The following SCIN variants were observed in gnomAD, a reference collection of about 807,000 sequenced individuals.
SCIN encodes adseverin.
Under a neutral mutation model 91.8 loss-of-function variants are expected in SCIN, and 91 were observed. The ratio of observed to expected loss-of-function variants is 0.99; its 90% confidence interval spans 0.84 to 1.18. The LOEUF (loss-of-function observed/expected upper bound fraction) is 1.18, where lower values mean the gene tolerates loss of function less well. Ranked by LOEUF, SCIN falls within the 50% of genes most tolerant of loss-of-function variation. The pLI is 0.00. For missense variants in SCIN, 1,087 were observed against 863.9 expected, an observed-to-expected ratio of 1.26 and a Z score of -3.24; for synonymous variants, 367 against 312.6, an observed-to-expected ratio of 1.17 and a Z score of -1.84.
intron 9 of SCIN, among the ~76,000 whole-genome samples, 174 bp from the exon 10 acceptor site, chr7:12,635,871 G>A (rs1048758063): frequency 1.3e-5 from 2 of 151,964 alleles, no homozygotes; most frequent in African/African-American, 4.8e-5. Flanking sequence ...CAACACATAG[G>A]ACAATTAAAT....
chr7:12,626,035 A>C, intron 7 of SCIN, 185 bp downstream of exon 7: 4 of 546,292 alleles, frequency 7.3e-6, no homozygotes, highest in Non-Finnish European at 9.7e-6. Flanking sequence ...ATTTTTTAGA[A>C]ACTGCACATC....
At chr7:12,626,019 G>T (rs1188902327) in intron 7 of SCIN, 169 bp downstream of exon 7, 5 of 556,112 alleles carry the variant, frequency 9.0e-6, no homozygotes, top group South Asian at 5.2e-5. Flanking sequence ...CTGCGTGGGG[G>T]TTAGAATTTT....
intron 5 of SCIN, among the ~76,000 whole-genome samples, chr7:12,624,682 A>T (rs781123180): frequency 2.6e-5 from 4 of 152,236 alleles, no homozygotes; most frequent in African/African-American, 4.8e-5. Flanking sequence ...GCATCTGAAT[A>T]GACCTCAGCC....
Position 12,626,753 on chromosome 7 carries a change from T to C in SCIN, c.1151T>C (p.Met384Thr), listed in dbSNP as rs199716870. Residue 384 changes from methionine (M) to threonine (T), a missense_variant, in exon 8 of 16, where the codon ATG becomes ACG. Physicochemically the swap from Met to Thr is moderately conservative, Grantham distance 81. Coordinates refer to ENST00000297029, the MANE Select transcript of SCIN (RefSeq NM_001112706.3). ...TCAAAATTACACAGTTCTCCGCAGA[T>C]GGCAGCCCAGCACAATATGGTGGAT... ...DASKLHSSPQ[M>T]AAQHNMVDDG... is the part of the protein sequence containing the mutation. 1.5e-4 allele frequency: 234 copies of C among 1,610,886 alleles called. No homozygotes were observed. The highest frequency in any genetic ancestry group is 5.8e-4 in the South Asian group (52 of 90,174).
chr7:12,653,955 C>T lies in SCIN; in HGVS notation c.*1240C>T, dbSNP rs1292009468. 6.6e-6 allele frequency: 1 copy of T among 151,738 alleles called. No individual in the cohort carries two copies. Among genetic ancestry groups the T allele is most frequent in the African/African-American group, 2.4e-5 (1 of 41,274 alleles). 9.4% of individuals were successfully genotyped at this position (151,738 alleles called of 1,614,324 possible). The stretch of plus-strand genomic sequence containing the variant: ...TCATTCTATTTTATTTCCAATATAC[C>T]ATTGTATATCAGTATATACTGATAC... On this transcript the variant is annotated 3_prime_UTR_variant, in exon 16 of 16. Coordinates refer to ENST00000297029, the MANE Select transcript of SCIN (RefSeq NM_001112706.3). This position sits in a 1 kb window ranked among gnomAD's most constrained non-coding sequence, Gnocchi z 4.1.
At chr7:12,572,352 G>T (rs1782288474) in intron 1 of SCIN, among the ~76,000 whole-genome samples, 1 of 152,130 alleles carries the variant, frequency 6.6e-6, no homozygotes. Context: ...TCATCTATTT[G>T]TATTTTCTGC....
intron 3 of SCIN, among the ~76,000 whole-genome samples, chr7:12,589,888 G>A (rs1208155167): frequency 6.6e-6 from 1 of 152,064 alleles, no homozygotes. Flanking sequence ...GAGGAAGGAG[G>A]GTGCTTTTGG....
At chr7:12,628,026 T>TGC (rs552358049) in intron 8 of SCIN, among the ~76,000 whole-genome samples, 53 of 87,680 alleles carry the variant, frequency 6.0e-4, no homozygotes, top group African/African-American at 2.0e-3. Flanking sequence ...TAGGCAAGTG[T>TGC]GCGCGCGTGT....
intron 4 of SCIN, among the ~76,000 whole-genome samples, chr7:12,614,340 CA>C (rs1275778385): frequency 6.6e-5 from 10 of 152,150 alleles, no homozygotes; most frequent in Admixed American, 6.5e-4. Context: ...TTAATTGCTG[CA>C]AAAGAGCTAA....
intron 3 of SCIN, among the ~76,000 whole-genome samples, chr7:12,597,090 G>A (rs908776308): frequency 6.6e-6 from 1 of 152,136 alleles, no homozygotes; most frequent in African/African-American, 2.4e-5. Flanking sequence ...ATACGTAACT[G>A]AAGGATATTG....
chr7:12,585,182 G>A (rs933501079), intron 3 of SCIN, among the ~76,000 whole-genome samples: 5 of 152,034 alleles, frequency 3.3e-5, no homozygotes, highest in Admixed American at 6.6e-5. Flanking sequence ...ACAGTTCCTC[G>A]GAAAATGTTC....
chr7:12,625,161 G>T lies in SCIN; in HGVS notation c.892+19G>T. ...TGGAAAGGTAAAAAATTCCATTGAC[G>T]ATGCTGTATTTCAGATTTATAGATA... On this transcript the variant is annotated intron_variant, in intron 6 of 15. Transcript: ENST00000297029. 1 of 1,598,678 alleles carries T rather than the reference G, an allele frequency of 6.3e-7. No individual in the cohort carries two copies. The highest frequency in any genetic ancestry group is 8.5e-7 in the Non-Finnish European group (1 of 1,172,364).
Position 12,640,459 on chromosome 7 carries a change from C to A in SCIN, c.1523C>A (p.Pro508His), listed in dbSNP as rs191632569. Residue 508 changes from proline (P) to histidine (H), a missense_variant, in exon 11 of 16, where the codon CCC becomes CAC. Transcript: ENST00000297029. ...TSKKGGQAPA[P>H]PTRLFQVRRN... ...AAGAAAGGAGGTCAGGCACCTGCTC[C>A]CCCTACACGCCTCTTTCAAGTCCGG... 2 of 1,612,960 alleles carry A rather than the reference C, an allele frequency of 1.2e-6. No individual in the cohort carries two copies. Among genetic ancestry groups the A allele is most frequent in the East Asian group, 2.2e-5 (1 of 44,798 alleles).
Position 12,578,909 on chromosome 7 carries a change from G to GTTTTTTTTTTTTT in SCIN, c.354+694_354+706dup. On this transcript the variant is annotated intron_variant, in intron 2 of 15. Coordinates refer to ENST00000297029, the MANE Select transcript of SCIN (RefSeq NM_001112706.3). ...TAAGGCAGCCTTCAGTATAGGACAG[G>GTTTTTTTTTTTTT]TTTTTTTTTTTTTTTGGCATCCTCC... Among the ~76,000 whole-genome samples, 71 of 85,848 alleles carry GTTTTTTTTTTTTT rather than the reference G, an allele frequency of 8.3e-4. 9 individuals are homozygous for GTTTTTTTTTTTTT. Among genetic ancestry groups the GTTTTTTTTTTTTT allele is most frequent in the South Asian group, 1.3e-3 (3 of 2,240 alleles). The allele number at this position is 85,848 out of a possible 152,430, so 56.3% of individuals were successfully genotyped here. A position where few individuals can be genotyped will look rare whatever the true frequency, so the allele number is the denominator to read the frequency against.
chr7:12,592,245 A>G (rs1002893760), intron 3 of SCIN, among the ~76,000 whole-genome samples: 5 of 152,060 alleles, frequency 3.3e-5, no homozygotes, highest in African/African-American at 1.2e-4. Context: ...AGAAGTGGAT[A>G]GGGGTTATGG....
chr7:12,605,931 G>A (rs1048986043), intron 4 of SCIN, among the ~76,000 whole-genome samples: 4 of 152,106 alleles, frequency 2.6e-5, no homozygotes, highest in Non-Finnish European at 4.4e-5. Context: ...ACGATTATAT[G>A]AATCTTAGGC....
Position 12,622,798 on chromosome 7 carries a change from C to T in SCIN, c.667-3C>T. 3 of 1,608,876 alleles carry T rather than the reference C, an allele frequency of 1.9e-6. No homozygotes were observed. Among genetic ancestry groups the T allele is most frequent in the Non-Finnish European group, 2.5e-6 (3 of 1,177,096 alleles). ...TTTGCATCCACTGCTCACTTTTTTC[C>T]AGGTCTTAGGGGAAAAGCCAGAGCT... On this transcript the variant is annotated splice_polypyrimidine_tract_variant and splice_region_variant and intron_variant, in intron 4 of 15. Coordinates refer to ENST00000297029, the MANE Select transcript of SCIN (RefSeq NM_001112706.3).
intron 3 of SCIN, chr7:12,595,532 A>G (rs186009676): frequency 2.8e-4 from 43 of 152,266 alleles, no homozygotes; most frequent in African/African-American, 9.6e-4. Context: ...AATAGGTAAT[A>G]TAAGAGGGGC....
intron 5 of SCIN, among the ~76,000 whole-genome samples, chr7:12,624,415 A>G (rs1224912099): frequency 4.6e-5 from 7 of 152,240 alleles, no homozygotes; most frequent in Non-Finnish European, 1.0e-4. Flanking sequence ...GAAGAAATTT[A>G]CTTTGATAAT....
Sources: gnomAD v4.1 joint callset for allele counts (sites outside exome capture counted in the v4.1 genomes callset) on GRCh38, gnomAD v4.1.1 for gene constraint, Gnocchi (gnomAD v3.1) non-coding constraint, MANE v1.5 for transcripts, NCBI Gene and HGNC (gene_info 2026-07-23, HGNC 2026-07-21) for gene names.